Variants in PRKG1 observed in about 807,000 individuals in gnomAD.
PRKG1 encodes cGMP-dependent protein kinase 1.
A neutral mutation model predicts 88.1 loss-of-function variants in PRKG1; 35 were observed. The ratio of observed to expected loss-of-function variants is 0.40; its 90% CI spans 0.30 to 0.53. The LOEUF is 0.53. Ranked by LOEUF, PRKG1 falls within the 20% of genes least tolerant of loss-of-function variation. PRKG1 has a pLI of 0.59. For missense variants in PRKG1, 540 were observed against 839.8 expected, an observed-to-expected ratio of 0.64 and a Z score of 4.41; for synonymous variants, 303 against 292.5, an observed-to-expected ratio of 1.04 and a Z score of -0.37.
intron 2 of PRKG1, among the ~76,000 whole-genome samples, chr10:51,322,792 A>G (rs1841489428): frequency 2.0e-5 from 3 of 152,228 alleles, no homozygotes; most frequent in Non-Finnish European, 4.4e-5. Flanking sequence ...CATTAAATGT[A>G]ATTTTCTTAA....
At chr10:52,272,988 T>C (rs1841772443) in intron 12 of PRKG1, among the ~76,000 whole-genome samples, 1 of 152,016 alleles carries the variant, frequency 6.6e-6, no homozygotes, top group African/African-American at 2.4e-5. Flanking sequence ...CATCTCTTTA[T>C]CCCTTGGCTA....
chr10:51,075,008 C>A, intron 1 of PRKG1, 107 bp downstream of exon 1: 1 of 1,394,348 alleles, frequency 7.2e-7, no homozygotes, highest in Non-Finnish European at 9.6e-7. Flanking sequence ...CATGTCTGTC[C>A]TCATCCTCAG....
intron 1 of PRKG1, among the ~76,000 whole-genome samples, chr10:51,016,381 T>C (rs1843059747): frequency 6.6e-6 from 1 of 152,168 alleles, no homozygotes; most frequent in African/African-American, 2.4e-5. Flanking sequence ...GTTATTATGA[T>C]TGAATCAAAT....
intron 2 of PRKG1, among the ~76,000 whole-genome samples, chr10:51,186,539 G>C (rs1033466709): frequency 1.3e-5 from 2 of 151,962 alleles, no homozygotes; most frequent in Non-Finnish European, 2.9e-5. Context: ...TGGGCAAACA[G>C]TGTCTCAGGG....
chr10:51,933,718 G>A (rs911572808), intron 5 of PRKG1, among the ~76,000 whole-genome samples: 2 of 151,790 alleles, frequency 1.3e-5, no homozygotes, highest in African/African-American at 4.8e-5. Context: ...ATGTCATAAG[G>A]TTATTGTGAG....
intron 2 of PRKG1, among the ~76,000 whole-genome samples, chr10:51,350,247 G>A (rs1298735432): frequency 6.6e-6 from 1 of 152,176 alleles, no homozygotes; most frequent in Non-Finnish European, 1.5e-5. Flanking sequence ...AAGATAGACT[G>A]ACCTAATGAC....
At chr10:51,073,501 T>A (rs571793987), upstream of PRKG1, among the ~76,000 whole-genome samples, 1 of 152,056 alleles carries the variant, frequency 6.6e-6, no homozygotes, top group South Asian at 2.1e-4. Flanking sequence ...CCCGCCAAAT[T>A]CAGCAAATGG....
At chr10:52,248,617 G>A (rs1306153459) in intron 9 of PRKG1, among the ~76,000 whole-genome samples, 6 of 152,100 alleles carry the variant, frequency 3.9e-5, no homozygotes, top group Admixed American at 6.5e-5. Context: ...GCATCAAAAC[G>A]TGAAATATTT....
At chr10:51,542,713 C>G (rs1169834706) in intron 3 of PRKG1, among the ~76,000 whole-genome samples, 2 of 152,042 alleles carry the variant, frequency 1.3e-5, no homozygotes, top group Non-Finnish European at 2.9e-5. Flanking sequence ...GGCTGGAAAC[C>G]ATTTTGTGTC....
At chr10:51,448,184 G>C (rs888143318) in intron 2 of PRKG1, among the ~76,000 whole-genome samples, 1 of 151,850 alleles carries the variant, frequency 6.6e-6, no homozygotes, top group Non-Finnish European at 1.5e-5. Context: ...GGAGGTTGAG[G>C]CTGCAGTGAA....
intron 3 of PRKG1, among the ~76,000 whole-genome samples, chr10:51,679,733 T>TA (rs1221100661): frequency 1.4e-5 from 2 of 147,758 alleles, no homozygotes; most frequent in African/African-American, 5.0e-5. Context: ...TGTTTTTTTT[T>TA]TTATTATACT....
chr10:51,535,289 T>A (rs1262420803), intron 3 of PRKG1, among the ~76,000 whole-genome samples: 3 of 152,144 alleles, frequency 2.0e-5, no homozygotes, highest in African/African-American at 7.2e-5. Context: ...CCCCTTCTTC[T>A]CCCTATGCAG....
chr10:51,103,825 G>A (rs1209296104), intron 1 of PRKG1, among the ~76,000 whole-genome samples: 6 of 152,146 alleles, frequency 3.9e-5, no homozygotes, highest in Non-Finnish European at 7.4e-5. Context: ...AGAGGAAAGC[G>A]TCTGGAGTAA....
At chr10:52,221,169 A>C (rs1292499780) in intron 9 of PRKG1, among the ~76,000 whole-genome samples, 1 of 151,942 alleles carries the variant, frequency 6.6e-6, no homozygotes, top group African/African-American at 2.4e-5. Flanking sequence ...CTTTTTTTTC[A>C]TATGATTGTT....
rs113515173 is a variant in PRKG1, at chr10:51,418,608, G to C, written c.479-49115G>C. On this transcript the variant is annotated intron_variant, in intron 2 of 17. Transcript: ENST00000373980. ...GATGAGATCTAAGCCAGGCAATCAA[G>C]TCTCAGCTCTGGACTAATGCAACGA... Among the ~76,000 whole-genome samples, 456 of 152,304 alleles carry C rather than the reference G, an allele frequency of 3.0e-3. 1 individual carries two copies. Among genetic ancestry groups the C allele is most frequent in the African/African-American group, 0.011 (441 of 41,574 alleles).
intron 3 of PRKG1, among the ~76,000 whole-genome samples, chr10:51,533,071 C>G (rs78683808): frequency 0.013 from 1,916 of 152,286 alleles, 38 homozygotes; most frequent in African/African-American, 0.043. Flanking sequence ...GTGAGGCTTT[C>G]ATGTTCTCAA....
At chr10:51,475,489 T>C (rs1048521827) in intron 3 of PRKG1, among the ~76,000 whole-genome samples, 1 of 152,092 alleles carries the variant, frequency 6.6e-6, no homozygotes. Flanking sequence ...CATACTATCA[T>C]GTTCATCAAA....
chr10:51,626,809 G>C (rs185294992), intron 3 of PRKG1, among the ~76,000 whole-genome samples: 213 of 152,268 alleles, frequency 1.4e-3, no homozygotes, highest in Non-Finnish European at 2.5e-3. Context: ...GTCTCCATCA[G>C]TTTTCCCTTT....
intron 5 of PRKG1, among the ~76,000 whole-genome samples, chr10:52,025,769 C>T (rs1227803490): frequency 6.6e-6 from 1 of 151,682 alleles, no homozygotes; most frequent in African/African-American, 2.4e-5. Context: ...GTGATGCCTC[C>T]AGCTTAGGAT....
Sources: gnomAD v4.1 joint callset for allele counts (sites outside exome capture counted in the v4.1 genomes callset) on GRCh38, gnomAD v4.1.1 for gene constraint, MANE v1.5 for transcripts, NCBI Gene and HGNC (gene_info 2026-07-23, HGNC 2026-07-21) for gene names.